Variants in MKLN1 observed in about 807,000 individuals in gnomAD.
MKLN1 encodes muskelin.
In MKLN1, 18 loss-of-function variants were observed where a neutral mutation model predicts 99.0. That is an observed-to-expected ratio of 0.18 (90% CI 0.13 to 0.27). MKLN1 has a LOEUF of 0.27. Ranked by LOEUF, MKLN1 falls within the 10% of genes least tolerant of loss-of-function variation. MKLN1 has a pLI of 1.00. For synonymous variants in MKLN1, 288 were observed against 293.2 expected, an observed-to-expected ratio of 0.98 and a Z score of 0.18; for missense variants, 621 against 875.9, an observed-to-expected ratio of 0.71 and a Z score of 3.67.
At chr7:131,145,017 A>G (rs1025120163) in intron 2 of MKLN1, among the ~76,000 whole-genome samples, 1 of 151,954 alleles carries the variant, frequency 6.6e-6, no homozygotes, top group African/African-American at 2.4e-5. Flanking sequence ...CAACAACAAC[A>G]ACAAAGAGGC....
At chr7:131,438,101 C>G in intron 10 of MKLN1, 104 bp downstream of exon 10, 1 of 817,890 alleles carries the variant, frequency 1.2e-6, no homozygotes, top group South Asian at 1.6e-5. Context: ...GTAGTGCTTT[C>G]CATGACAAAT....
intron 3 of MKLN1, among the ~76,000 whole-genome samples, chr7:131,301,304 A>G (rs1038352880): frequency 5.3e-5 from 8 of 152,202 alleles, no homozygotes; most frequent in African/African-American, 1.9e-4. Context: ...ATTCAGTTGG[A>G]TGAAACTCAG....
rs1035662217 is a variant in MKLN1 at position 131,494,907 on chromosome 7, TTATAAA to T, written c.*7184_*7189del. The T allele has an allele frequency of 1.3e-5, 2 of 152,028 alleles. No homozygotes were observed. Among genetic ancestry groups the T allele is most frequent in the Non-Finnish European group, 2.9e-5 (2 of 67,940 alleles). 9.4% of individuals were successfully genotyped at this position (152,028 alleles called of 1,614,324 possible). On this transcript the variant is annotated 3_prime_UTR_variant, in exon 18 of 18. Coordinates refer to ENST00000352689, the MANE Select transcript of MKLN1 (RefSeq NM_013255.5). ...ACAGATTCCTTTATGCGTACATACT[TTATAAA>T]TATACATACATACACATACACATAC...
At chr7:131,192,053 C>A (rs551171118) in intron 2 of MKLN1, among the ~76,000 whole-genome samples, 1 of 109,026 alleles carries the variant, frequency 9.2e-6, no homozygotes, top group African/African-American at 4.2e-5. Context: ...TATATGTATA[C>A]ATGTATATAT....
At chr7:131,243,570 T>C (rs1375144877) in intron 3 of MKLN1, among the ~76,000 whole-genome samples, 1 of 152,166 alleles carries the variant, frequency 6.6e-6, no homozygotes. Context: ...TTAATAATGT[T>C]ACAAAACACC....
At chr7:131,441,018 A>G (rs940881458) in intron 10 of MKLN1, among the ~76,000 whole-genome samples, 4 of 152,218 alleles carry the variant, frequency 2.6e-5, no homozygotes, top group African/African-American at 7.2e-5. Context: ...GTGCCAAGAG[A>G]TAATAGAGCA....
At chr7:131,368,879 CAAAT>C (rs1276349453) in intron 1 of MKLN1, among the ~76,000 whole-genome samples, 7 of 151,986 alleles carry the variant, frequency 4.6e-5, no homozygotes, top group East Asian at 3.9e-4. Context: ...AATAATATGA[CAAAT>C]AACAAGAAAA....
At chr7:131,311,484 G>C (rs1798563048) in intron 3 of MKLN1, among the ~76,000 whole-genome samples, 1 of 152,008 alleles carries the variant, frequency 6.6e-6, no homozygotes, top group Non-Finnish European at 1.5e-5. Context: ...CTCAAAGAAA[G>C]TTAAACACCA....
intron 2 of MKLN1, among the ~76,000 whole-genome samples, chr7:131,192,247 A>AAT (rs1376697864): frequency 1.1e-5 from 1 of 89,816 alleles, no homozygotes; most frequent in Non-Finnish European, 2.0e-5. Flanking sequence ...AAATATATAA[A>AAT]ATATAATATA....
intron 4 of MKLN1, among the ~76,000 whole-genome samples, chr7:131,392,882 G>T (rs1045691500): frequency 1.3e-5 from 2 of 152,044 alleles, no homozygotes; most frequent in Admixed American, 1.3e-4. Flanking sequence ...TGGGATTACA[G>T]GCGTGAGCCA....
intron 7 of MKLN1, among the ~76,000 whole-genome samples, chr7:131,412,793 T>A (rs1262216518): frequency 1.3e-5 from 2 of 152,200 alleles, no homozygotes; most frequent in Admixed American, 6.5e-5. Flanking sequence ...GATACTGAGC[T>A]TTTTTCATTG....
At chr7:131,289,293 A>G (rs891485069) in intron 3 of MKLN1, among the ~76,000 whole-genome samples, 17 of 152,326 alleles carry the variant, frequency 1.1e-4, no homozygotes, top group African/African-American at 4.1e-4. Flanking sequence ...TGTGGCAGAC[A>G]TGATGACACT....
chr7:131,347,450 A>G (rs996809619), intron 1 of MKLN1, among the ~76,000 whole-genome samples: 1 of 152,206 alleles, frequency 6.6e-6, no homozygotes. Context: ...ATGCTGCAAG[A>G]GCATGCACGG....
In MKLN1 at chr7:131,458,479, G is replaced by A. The variant is rs535862276; in HGVS notation, c.1526-4738G>A. ...GAACCATGGCGGAAAGGGAAAATTG[G>A]ACACTATATAAATTCAGGTATTGTG... On this transcript the variant is annotated intron_variant, in intron 12 of 17. Transcript: ENST00000352689. Among the ~76,000 whole-genome samples the A allele has an allele frequency of 1.7e-4, 26 of 152,218 alleles. No individual in the cohort carries two copies. In the South Asian group the frequency reaches 4.2e-3, roughly 24 times the overall value.
chr7:131,463,064 G>GT lies in MKLN1; in HGVS notation c.1526-152dup, dbSNP rs991071842. On this transcript the variant is annotated intron_variant, in intron 12 of 17. Coordinates refer to ENST00000352689, the MANE Select transcript of MKLN1 (RefSeq NM_013255.5). ...TTGAGCCCAGGAGTTCTAGGCTGCAGTGAGTCATGGTTGTGCCTCACTGCA... is the reference window on the plus strand; with the variant it reads ...TTGAGCCCAGGAGTTCTAGGCTGCAGTTGAGTCATGGTTGTGCCTCACTGCA... Among the ~76,000 whole-genome samples, 46 of 152,158 alleles carry GT rather than the reference G, an allele frequency of 3.0e-4. 1 individual carries two copies. Among genetic ancestry groups the GT allele is most frequent in the Non-Finnish European group, 1.5e-5 (1 of 68,034 alleles).
At chr7:131,360,402 T>G (rs1388217458) in intron 1 of MKLN1, among the ~76,000 whole-genome samples, 1 of 152,210 alleles carries the variant, frequency 6.6e-6, no homozygotes. Flanking sequence ...TGATTTAAAA[T>G]GGACATTGAT....
rs532763270 is a variant in MKLN1, at chr7:131,286,774, A to T, written c.-179+83800A>T. Among the ~76,000 whole-genome samples the T allele has an allele frequency of 8.5e-5, 13 of 152,354 alleles. No homozygotes were observed. In the East Asian group the frequency reaches 2.3e-3, roughly 27 times the overall value. On this transcript the variant is annotated intron_variant, in intron 3 of 7. Transcript: ENST00000416992. ...TTATATAACAAAAGAACTACAACTC[A>T]GGAGCATATAGTTTGAGGCATATGA... is the stretch of plus-strand genomic sequence containing the variant.
At chr7:131,195,628 T>C (rs1796631936) in intron 2 of MKLN1, among the ~76,000 whole-genome samples, 1 of 152,086 alleles carries the variant, frequency 6.6e-6, no homozygotes, top group South Asian at 2.1e-4. Context: ...TGTAACCACA[T>C]ACATATTTCA....
At position 131,215,907 on chromosome 7, in the gene MKLN1, G is replaced by A. The variant is rs73151593; in HGVS notation, c.-179+12933G>A. Among the ~76,000 whole-genome samples, 897 of 152,144 alleles carry A rather than the reference G, an allele frequency of 5.9e-3. 7 individuals are homozygous for A. The highest frequency in any genetic ancestry group is 0.037 in the Middle Eastern group (11 of 294). ...GCCAGTTTGTTTGGGGGGGATAGGG[G>A]CTCTCAGTCTAGCCCATAGGTTCAA... On this transcript the variant is annotated intron_variant, in intron 3 of 7. Coordinates refer to the MKLN1 transcript ENST00000416992.
Sources: gnomAD v4.1 joint callset for allele counts (sites outside exome capture counted in the v4.1 genomes callset) on GRCh38, gnomAD v4.1.1 for gene constraint, MANE v1.5 for transcripts, NCBI Gene and HGNC (gene_info 2026-07-23, HGNC 2026-07-21) for gene names.